The following TMEM201 variants were observed in gnomAD, a reference collection of about 807,000 sequenced individuals.
The protein encoded by TMEM201 is transmembrane protein 201.
Under a neutral mutation model 63.4 loss-of-function variants are expected in TMEM201, and 26 were observed. That is an observed-to-expected ratio of 0.41 (90% confidence interval 0.30 to 0.57). The LOEUF is 0.57. Among genes scored for constraint, TMEM201 ranks in the 20% least tolerant of loss-of-function variants. The pLI, the probability that TMEM201 is intolerant of heterozygous loss-of-function variation, is 0.29. For missense variants in TMEM201, 794 were observed against 917.7 expected (o/e 0.87, Z 1.74); for synonymous variants, 417 against 421.6 (o/e 0.99, Z 0.14).
intron 1 of TMEM201, among the ~76,000 whole-genome samples, chr1:9,589,943 C>A (rs1569899295): frequency 1.3e-5 from 2 of 152,344 alleles, no homozygotes; most frequent in South Asian, 4.1e-4. Flanking sequence ...CAGCAAGTGG[C>A]AGAGCTGGGG....
In TMEM201 at chr1:9,609,880, G is replaced by A. The variant is rs1569960795; in HGVS notation, c.1434G>A (p.Gln478=). 1 of 1,551,452 alleles carries A rather than the reference G, an allele frequency of 6.4e-7. No individual in the cohort carries two copies. Among genetic ancestry groups the A allele is most frequent in the East Asian group, 2.4e-5 (1 of 40,914 alleles). Residue 478 remains glutamine, a synonymous_variant, in exon 8 of 11, where the codon CAG becomes CAA. Transcript: ENST00000340381. ...YLFSGSRPPS[Q]VSRSGEFPVS... ...TCAGCGGTAGCCGCCCACCATCTCAGGTGTCTCGATCTGGGGAGTTTCCTG... is the reference window on the plus strand; with the variant it reads ...TCAGCGGTAGCCGCCCACCATCTCAAGTGTCTCGATCTGGGGAGTTTCCTG...
intron 9 of TMEM201, chr1:9,611,078 G>C (rs191452436): frequency 3.3e-6 from 5 of 1,504,188 alleles, no homozygotes; most frequent in Non-Finnish European, 4.4e-6. Context: ...TGCCAGGTGC[G>C]TGTGGCCACA....
chr1:9,603,282 A>G lies in TMEM201; in HGVS notation c.1160+1010A>G. The stretch of plus-strand genomic sequence containing the variant: ...TCAGCCTCAGTTTGCCATCTATGAA[A>G]TGAGGTGGACCCCTCTCCATAGCCC... On this transcript the variant is annotated intron_variant, in intron 6 of 10. Transcript: ENST00000340381. This position sits in a 1 kb window ranked among gnomAD's most constrained non-coding sequence, Gnocchi z 4.5. 8 of 984,426 alleles carry G rather than the reference A, an allele frequency of 8.1e-6. No homozygotes were observed. The highest frequency in any genetic ancestry group is 9.7e-6 in the Non-Finnish European group (8 of 829,014). The allele number at this position is 984,426 out of a possible 1,614,324, so 61.0% of individuals were successfully genotyped here.
chr1:9,596,387 T>G (rs1313617190), intron 2 of TMEM201, among the ~76,000 whole-genome samples: 1 of 152,234 alleles, frequency 6.6e-6, no homozygotes, highest in African/African-American at 2.4e-5. Context: ...ATTTTAAGCT[T>G]TGGAAGCCAT....
intron 6 of TMEM201, 167 bp downstream of exon 6, chr1:9,602,439 G>A (rs985996018): frequency 3.8e-5 from 54 of 1,428,154 alleles, no homozygotes; most frequent in African/African-American, 1.9e-4. Context: ...CCACTGCCTC[G>A]AAGAGTCAGT....
rs747278310 is a variant in TMEM201, at chr1:9,610,698, C to A, written c.1658C>A (p.Thr553Lys). The change falls in exon 9 of 11, where the codon ACG (threonine) becomes AAG (lysine). Residue 553 changes from threonine (T) to lysine (K), a missense_variant. Physicochemically the swap from Thr to Lys is moderately conservative, Grantham distance 78 (BLOSUM62 -1). Transcript: ENST00000340381. This position sits in a 1 kb window ranked among gnomAD's most constrained non-coding sequence, Gnocchi z 4.9. ...TCACCCCCTGGAGAGGCCCCCACCA[C>A]GCCCAGCAGCTCCGATGAGCACTCG... is the stretch of plus-strand genomic sequence containing the variant. ...FPSPPGEAPT[T>K]PSSSDEHSPH... The A allele has an allele frequency of 9.7e-6, 15 of 1,550,432 alleles. No homozygotes were observed. Among genetic ancestry groups the A allele is most frequent in the Non-Finnish European group, 1.2e-5 (14 of 1,146,912 alleles).
intron 1 of TMEM201, among the ~76,000 whole-genome samples, 186 bp downstream of exon 1, chr1:9,589,229 C>G (rs560370817): frequency 6.6e-6 from 1 of 151,424 alleles, no homozygotes; most frequent in Admixed American, 6.6e-5. Context: ...GCTGCGGAGT[C>G]GAGTGGAGCG....
At chr1:9,594,508 G>C (rs1643978746) in intron 1 of TMEM201, among the ~76,000 whole-genome samples, 1 of 152,236 alleles carries the variant, frequency 6.6e-6, no homozygotes, top group Admixed American at 6.5e-5. Flanking sequence ...GCCAGTCACT[G>C]TTAAGTGCGT....
Position 9,604,894 on chromosome 1 carries a change from G to C in TMEM201, c.1160+2622G>C, listed in dbSNP as rs1191174988. ...CACTGTAACCATCGCGCCTGGCCTAGATGTCGTGTTTTGGATGCTGTGTTT... is the reference window on the plus strand; with the variant it reads ...CACTGTAACCATCGCGCCTGGCCTACATGTCGTGTTTTGGATGCTGTGTTT... On this transcript the variant is annotated intron_variant, in intron 6 of 10. Coordinates refer to ENST00000340381, the MANE Select transcript of TMEM201 (RefSeq NM_001130924.3). The surrounding 1 kb of genome is among the most constrained non-coding windows in gnomAD (Gnocchi z 4.1). 1.3e-5 allele frequency: 13 copies of C among 985,812 alleles called. No individual in the cohort carries two copies. Among genetic ancestry groups the C allele is most frequent in the Non-Finnish European group, 1.6e-5 (13 of 829,988 alleles). The allele number at this position is 985,812 out of a possible 1,614,324, so 61.1% of individuals were successfully genotyped here.
chr1:9,594,991 C>T (rs988292643), intron 1 of TMEM201, among the ~76,000 whole-genome samples: 8 of 152,294 alleles, frequency 5.3e-5, no homozygotes, highest in East Asian at 1.9e-4. Context: ...GCGGTGTCCT[C>T]GAGCTGGAGG....
chr1:9,592,596 C>T (rs1302774757), intron 1 of TMEM201, among the ~76,000 whole-genome samples: 2 of 117,936 alleles, frequency 1.7e-5, no homozygotes, highest in Non-Finnish European at 2.1e-5. Flanking sequence ...CTCCCACCTG[C>T]AGGGAATAGT....
intron 4 of TMEM201, among the ~76,000 whole-genome samples, chr1:9,600,164 G>T (rs755457308): frequency 6.6e-6 from 1 of 152,164 alleles, no homozygotes; most frequent in Non-Finnish European, 1.5e-5. Flanking sequence ...GTGGATAGGA[G>T]TTTCCTTGTA....
At position 9,610,635 on chromosome 1, in the gene TMEM201, G is replaced by A. The variant is rs1394127256; in HGVS notation, c.1595G>A (p.Arg532Gln). 1.2e-5 allele frequency: 18 copies of A among 1,550,590 alleles called. No homozygotes were observed. The highest frequency in any genetic ancestry group is 2.4e-5 in the East Asian group (1 of 40,912). The change falls in exon 9 of 11, where the codon CGG becomes CAG. Residue 532 changes from arginine (R) to glutamine (Q), a missense_variant. Transcript: ENST00000340381. The surrounding 1 kb of genome is among the most constrained non-coding windows in gnomAD (Gnocchi z 4.9). Reference sequence around the variant, plus strand: ...CGCAGGCCCCTCATCAGCCCTGCCCGGCTCAACCTGAAGGGACAGAAGCTG... The same window carrying A: ...CGCAGGCCCCTCATCAGCCCTGCCCAGCTCAACCTGAAGGGACAGAAGCTG... The part of the protein sequence containing the change: ...RHRRPLISPA[R>Q]LNLKGQKLLL...
In TMEM201 at chr1:9,602,086, C is replaced by T; in HGVS notation, c.974C>T (p.Ala325Val). 6.2e-7 allele frequency: 1 copy of T among 1,611,954 alleles called. No individual in the cohort carries two copies. The highest frequency in any genetic ancestry group is 8.5e-7 in the Non-Finnish European group (1 of 1,179,252). Residue 325 changes from alanine (A) to valine (V), a missense_variant, in exon 6 of 11, where the codon GCC becomes GTC. Transcript: ENST00000340381. ...CCTTTCAGGCTCCGGAGGATCGATG[C>T]CTTCTGCACCTGCCTGTGGGCCCTG... Reference protein sequence around the residue: ...AGRIRLRRIDAFCTCLWALLL... With the variant: ...AGRIRLRRIDVFCTCLWALLL...
chr1:9,610,551 C>G lies in TMEM201; in HGVS notation c.1511C>G (p.Pro504Arg). 1 of 1,547,864 alleles carries G rather than the reference C, an allele frequency of 6.5e-7. No individual in the cohort carries two copies. The highest frequency in any genetic ancestry group is 8.7e-7 in the Non-Finnish European group (1 of 1,144,878). Reference sequence around the variant, plus strand: ...GGGAGCTGCCCCTCCTCCCCACTCCCTTCCCCAGCGCCTTCCGTGGCCGGC... The same window carrying G: ...GGGAGCTGCCCCTCCTCCCCACTCCGTTCCCCAGCGCCTTCCGTGGCCGGC... ...LSGSCPSSPL[P>R]SPAPSVAGSV... The change falls in exon 9 of 11, where the codon CCT (proline) becomes CGT (arginine). Residue 504 changes from proline (P) to arginine (R), a missense_variant. Physicochemically the swap from Pro to Arg is moderately radical, Grantham distance 103. Transcript: ENST00000340381. This position sits in a 1 kb window ranked among gnomAD's most constrained non-coding sequence, Gnocchi z 4.9.
At chr1:9,602,450 C>A in intron 6 of TMEM201, 178 bp downstream of exon 6, 1 of 1,440,992 alleles carries the variant, frequency 6.9e-7, no homozygotes, top group Non-Finnish European at 9.1e-7. Flanking sequence ...AAGAGTCAGT[C>A]TGCCCTGCCT....
In TMEM201 at chr1:9,612,945, A is replaced by AC. The variant is rs753330840; in HGVS notation, c.1904-38dup. 3.3e-6 allele frequency: 5 copies of AC among 1,536,674 alleles called. No individual in the cohort carries two copies. In the African/African-American group the frequency reaches 6.9e-5, roughly 21 times the overall value. ...GGCTGCTCAGCTGCACAGCGAACCC[A>AC]CCCACCCAAACAATGTTCTGACCAG... On this transcript the variant is annotated intron_variant, in intron 10 of 10. Coordinates refer to ENST00000340381, the MANE Select transcript of TMEM201 (RefSeq NM_001130924.3).
chr1:9,602,874 T>C (rs1644172841), intron 6 of TMEM201: 6 of 985,446 alleles, frequency 6.1e-6, no homozygotes, highest in Non-Finnish European at 7.2e-6. Flanking sequence ...GGTGGAGCCG[T>C]GAAGGAGGCC....
Position 9,607,457 on chromosome 1 carries a change from C to A in TMEM201, c.1161-100C>A. 1 of 900,250 alleles carries A rather than the reference C, an allele frequency of 1.1e-6. No individual in the cohort carries two copies. Among genetic ancestry groups the A allele is most frequent in the Non-Finnish European group, 1.7e-6 (1 of 605,128 alleles). The allele number at this position is 900,250 out of a possible 1,614,324, so 55.8% of individuals were successfully genotyped here. ...TCCTCTGGGACCCCAGCTGAGGCCC[C>A]CACCTTGCACTGTGGGAGAGGGGTG... is the stretch of plus-strand genomic sequence containing the variant. On this transcript the variant is annotated intron_variant, in intron 6 of 10. Transcript: ENST00000340381. The surrounding 1 kb of genome is among the most constrained non-coding windows in gnomAD (Gnocchi z 5.4).
Sources: allele counts gnomAD v4.1 joint callset (sites outside exome capture counted in the v4.1 genomes callset), GRCh38; gene constraint gnomAD v4.1.1; non-coding constraint Gnocchi (gnomAD v3.1); transcripts MANE v1.5; gene names NCBI Gene and HGNC (gene_info 2026-07-23, HGNC 2026-07-21).